Variants in SRGAP1 observed in about 807,000 individuals in gnomAD.
The protein encoded by SRGAP1 is SLIT-ROBO Rho GTPase-activating protein 1.
In SRGAP1, 43 loss-of-function variants were observed where a neutral mutation model predicts 121.9. The observed-to-expected ratio is 0.35, with a 90% CI of 0.28 to 0.46. The LOEUF (loss-of-function observed/expected upper bound fraction) is 0.46. Ranked by LOEUF, SRGAP1 falls within the 20% of genes least tolerant of loss-of-function variation. The pLI, the probability that SRGAP1 is intolerant of heterozygous loss-of-function variation, is 1.00. For synonymous variants in SRGAP1, 447 were observed against 485.4 expected (o/e 0.92, Z 1.04); for missense variants, 1,102 against 1,350.9 (o/e 0.82, Z 2.89).
chr12:64,044,981 G>A (rs1481841660), intron 6 of SRGAP1, among the ~76,000 whole-genome samples: 1 of 151,834 alleles, frequency 6.6e-6, no homozygotes, highest in Non-Finnish European at 1.5e-5. Flanking sequence ...TGCCTGGCCA[G>A]CCACCTCACC....
chr12:64,079,138 C>T, intron 9 of SRGAP1, 22 bp downstream of exon 9: 1 of 1,613,016 alleles, frequency 6.2e-7, no homozygotes, highest in African/African-American at 1.3e-5. Context: ...ACTTCCCAAG[C>T]CACTCTACAG....
At chr12:64,003,895 C>T (rs2033993038) in intron 3 of SRGAP1, among the ~76,000 whole-genome samples, 1 of 152,074 alleles carries the variant, frequency 6.6e-6, no homozygotes, top group Admixed American at 6.5e-5. Flanking sequence ...GAGTCCATAC[C>T]TACACACATC....
chr12:63,893,075 G>A (rs1302143286), intron 1 of SRGAP1, among the ~76,000 whole-genome samples: 3 of 152,140 alleles, frequency 2.0e-5, no homozygotes, highest in Non-Finnish European at 4.4e-5. Context: ...ACATATCTAA[G>A]CTATTGCTAC....
intron 3 of SRGAP1, among the ~76,000 whole-genome samples, chr12:64,004,547 T>C (rs1249808815): frequency 6.6e-6 from 1 of 152,074 alleles, no homozygotes; most frequent in Non-Finnish European, 1.5e-5. Context: ...ATTTTTTGTA[T>C]TTTTAGTAGA....
chr12:64,138,430 A>G (rs1252685889), intron 21 of SRGAP1, among the ~76,000 whole-genome samples: 1 of 138,346 alleles, frequency 7.2e-6, no homozygotes, highest in Admixed American at 7.2e-5. Flanking sequence ...CCCTTTTACT[A>G]TCTGAAATAA....
chr12:64,114,844 A>G (rs975600532), intron 17 of SRGAP1, among the ~76,000 whole-genome samples: 8 of 152,196 alleles, frequency 5.3e-5, no homozygotes, highest in Admixed American at 2.6e-4. Flanking sequence ...GATGGTGTCT[A>G]TCTTTTTCTA....
intron 1 of SRGAP1, among the ~76,000 whole-genome samples, chr12:63,899,032 A>T (rs907704214): frequency 1.3e-5 from 2 of 152,166 alleles, no homozygotes; most frequent in African/African-American, 4.8e-5. Flanking sequence ...CTAAAGTATG[A>T]TATGCCATAC....
At chr12:63,925,592 T>A (rs1229983244) in intron 1 of SRGAP1, among the ~76,000 whole-genome samples, 2 of 152,174 alleles carry the variant, frequency 1.3e-5, no homozygotes, top group Admixed American at 1.3e-4. Flanking sequence ...TTGCATATGT[T>A]ACTTAATTTT....
intron 1 of SRGAP1, among the ~76,000 whole-genome samples, chr12:63,959,635 C>A (rs2032579434): frequency 6.6e-6 from 1 of 151,782 alleles, no homozygotes; most frequent in South Asian, 2.1e-4. Context: ...TAGTAATAAA[C>A]AGTATGTTTT....
chr12:64,087,028 T>C lies in SRGAP1; in HGVS notation c.1436+2T>C. The C allele has an allele frequency of 6.3e-7, 1 of 1,586,874 alleles. No homozygotes were observed. Among genetic ancestry groups the C allele is most frequent in the East Asian group, 2.3e-5 (1 of 44,384 alleles). On this transcript the variant is annotated splice_donor_variant, in intron 11 of 21. Coordinates refer to ENST00000355086, the MANE Select transcript of SRGAP1 (RefSeq NM_020762.4). LOFTEE classifies it high-confidence loss of function. ...TAGAGCTGAATATATGACTACAAGG[T>C]AGGAAAATATTTTATCATAACTTAT...
chr12:64,141,929 C>T (rs116059707), intron 21 of SRGAP1, among the ~76,000 whole-genome samples: 2 of 152,048 alleles, frequency 1.3e-5, no homozygotes, highest in Non-Finnish European at 2.9e-5. Context: ...AGGTCGAGGC[C>T]GTAGTGAGCT....
intron 1 of SRGAP1, among the ~76,000 whole-genome samples, chr12:63,878,626 G>T (rs1237199431): frequency 6.6e-6 from 1 of 152,212 alleles, no homozygotes; most frequent in Non-Finnish European, 1.5e-5. Flanking sequence ...TACATCTCTA[G>T]AACACGGTAG....
At chr12:64,003,503 A>G (rs78236935) in intron 3 of SRGAP1, among the ~76,000 whole-genome samples, 7 of 150,602 alleles carry the variant, frequency 4.6e-5, no homozygotes, top group African/African-American at 9.8e-5. Context: ...AAAAAAAGGT[A>G]TAAATGGAAA....
chr12:64,008,462 C>T (rs2136450217), intron 3 of SRGAP1, among the ~76,000 whole-genome samples: 2 of 152,206 alleles, frequency 1.3e-5, no homozygotes, highest in Middle Eastern at 6.8e-3. Flanking sequence ...GCTATTCAGC[C>T]AAATGTCAAT....
chr12:63,989,237 T>C (rs1367345106), intron 2 of SRGAP1, among the ~76,000 whole-genome samples: 1 of 152,262 alleles, frequency 6.6e-6, no homozygotes, highest in Non-Finnish European at 1.5e-5. Context: ...TTTAGCTTTA[T>C]TTTATAGAAT....
At position 64,079,819 on chromosome 12, in the gene SRGAP1, C is replaced by T. The variant is rs1032657818; in HGVS notation, c.1324-467C>T. 3.3e-5 allele frequency among the ~76,000 whole-genome samples: 5 copies of T among 152,284 alleles called. 1 individual carries two copies. The South Asian group carries it at 8.3e-4, about 25-fold the overall frequency. ...CCTGAGAGTGTGCATCTCTCCTAGG[C>T]TCCCAAGGGTTGGCTGATGCTGCTG... is the stretch of plus-strand genomic sequence containing the variant. On this transcript the variant is annotated intron_variant, in intron 9 of 21. Coordinates refer to ENST00000355086, the MANE Select transcript of SRGAP1 (RefSeq NM_020762.4).
chr12:64,025,323 A>G (rs931068345), intron 4 of SRGAP1, among the ~76,000 whole-genome samples: 1 of 152,120 alleles, frequency 6.6e-6, no homozygotes, highest in Admixed American at 6.6e-5. Context: ...TAAAGAAGAA[A>G]CATGCCCAAG....
intron 8 of SRGAP1, among the ~76,000 whole-genome samples, chr12:64,075,093 G>A (rs1368715183): frequency 6.6e-6 from 1 of 152,186 alleles, no homozygotes; most frequent in African/African-American, 2.4e-5. Context: ...ATAGAGGTGT[G>A]AAGTAGGAAA....
chr12:64,007,298 G>A (rs971876689), intron 3 of SRGAP1, among the ~76,000 whole-genome samples: 2 of 152,152 alleles, frequency 1.3e-5, no homozygotes, highest in Non-Finnish European at 2.9e-5. Context: ...GGATAGTTTC[G>A]AGATGAAACT....
Sources: allele counts gnomAD v4.1 joint callset (sites outside exome capture counted in the v4.1 genomes callset), GRCh38; gene constraint gnomAD v4.1.1; transcripts MANE v1.5; gene names NCBI Gene and HGNC (gene_info 2026-07-23, HGNC 2026-07-21).